The following CACNG5 variants were observed in gnomAD, a reference collection of about 807,000 sequenced individuals.
The protein encoded by CACNG5 is calcium voltage-gated channel auxiliary subunit gamma 5, also known as voltage-dependent calcium channel gamma-5 subunit.
CACNG5 carries 18 observed loss-of-function variants against 24.8 expected under a neutral mutation model. That is an observed-to-expected ratio of 0.73 (90% CI 0.50 to 1.08). The LOEUF is 1.08. Ranked by LOEUF, CACNG5 falls within the 50% of genes least tolerant of loss-of-function variation. The probability of loss-of-function intolerance (pLI) is 0.00; values close to 1 mark genes in which losing one functional copy is unlikely to be tolerated. For synonymous variants in CACNG5, 157 were observed against 149.1 expected (o/e 1.05, Z -0.39); for missense variants, 349 against 367.9 (o/e 0.95, Z 0.42).
intron 4 of CACNG5, among the ~76,000 whole-genome samples, chr17:66,881,655 C>A (rs558554301): frequency 5.9e-5 from 9 of 152,236 alleles, no homozygotes; most frequent in African/African-American, 2.2e-4. Flanking sequence ...AAGATAGGAA[C>A]CCAGTGTGAA....
chr17:66,874,473 C>T (rs974581185), intron 1 of CACNG5, among the ~76,000 whole-genome samples: 9 of 152,106 alleles, frequency 5.9e-5, no homozygotes, highest in South Asian at 4.2e-4. Flanking sequence ...TAGGGCATCA[C>T]GACAGAGCAG....
chr17:66,861,311 G>T (rs996843817), intron 1 of CACNG5, among the ~76,000 whole-genome samples: 5 of 152,198 alleles, frequency 3.3e-5, no homozygotes, highest in Non-Finnish European at 5.9e-5. Flanking sequence ...TTTAAAAGAA[G>T]ACCTACGTGC....
rs1977352802 is a variant in CACNG5, at chr17:66,892,096, C to T, written c.*6856C>T. On this transcript the variant is annotated 3_prime_UTR_variant, in exon 6 of 6. Transcript: ENST00000533854. ...TCTGAGTCTGGCTGGGGAGTGGTGG[C>T]ATCCCAAACAAAATGCAAGAAAAGG... 6.6e-6 allele frequency among the ~76,000 whole-genome samples: 1 copy of T among 152,228 alleles called. No individual in the cohort carries two copies. Among genetic ancestry groups the T allele is most frequent in the Non-Finnish European group, 1.5e-5 (1 of 68,030 alleles).
chr17:66,860,969 G>A (rs1210704661), intron 1 of CACNG5, among the ~76,000 whole-genome samples: 1 of 151,230 alleles, frequency 6.6e-6, no homozygotes, highest in Admixed American at 6.6e-5. Context: ...TAGATAATTG[G>A]GTAAAAAAGT....
chr17:66,842,184 G>A (rs1408187230), intron 1 of CACNG5, among the ~76,000 whole-genome samples: 1 of 152,086 alleles, frequency 6.6e-6, no homozygotes, highest in Non-Finnish European at 1.5e-5. Flanking sequence ...TCCCACGGTG[G>A]GGGAGTGGCT....
rs983547938 is a variant in CACNG5, at chr17:66,893,784, T to C, written c.*8544T>C. Among the ~76,000 whole-genome samples the C allele has an allele frequency of 2.6e-5, 4 of 151,984 alleles. No individual in the cohort carries two copies. The highest frequency in any genetic ancestry group is 5.9e-5 in the Non-Finnish European group (4 of 67,978). On this transcript the variant is annotated 3_prime_UTR_variant, in exon 6 of 6. Coordinates refer to ENST00000533854, the MANE Select transcript of CACNG5 (RefSeq NM_145811.3). The stretch of plus-strand genomic sequence containing the variant: ...TGGAGAGGAGGAAGAGATGTTTCAT[T>C]TGTTCACAATGTTTCCTGAAGCACT...
chr17:66,853,242 A>C (rs994900528), intron 1 of CACNG5, among the ~76,000 whole-genome samples: 1 of 152,204 alleles, frequency 6.6e-6, no homozygotes, highest in African/African-American at 2.4e-5. Context: ...CAGTTTGTTT[A>C]TCTATTCACC....
At chr17:66,874,252 G>T (rs561867999) in intron 1 of CACNG5, among the ~76,000 whole-genome samples, 5 of 152,130 alleles carry the variant, frequency 3.3e-5, no homozygotes, top group African/African-American at 1.2e-4. Flanking sequence ...AATGATAAAC[G>T]TTCAATGTAC....
chr17:66,854,075 A>G (rs907673941), intron 1 of CACNG5, among the ~76,000 whole-genome samples: 2 of 152,226 alleles, frequency 1.3e-5, no homozygotes, highest in Non-Finnish European at 2.9e-5. Context: ...ATGTAAATCA[A>G]TAATAGTACA....
rs1004139908 is a variant in CACNG5 at position 66,886,159 on chromosome 17, T to A, written c.*919T>A. On this transcript the variant is annotated 3_prime_UTR_variant, in exon 6 of 6. Transcript: ENST00000533854. ...ATATTTCCGGACCAAGGCCCTAAGA[T>A]GGAATCTTGTAGACATCTGTCTAAA... 6.6e-6 allele frequency among the ~76,000 whole-genome samples: 1 copy of A among 152,184 alleles called. No individual in the cohort carries two copies. The highest frequency in any genetic ancestry group is 1.5e-5 in the Non-Finnish European group (1 of 68,028).
rs1977254744 is a variant in CACNG5 at position 66,886,028 on chromosome 17, C to T, written c.*788C>T. Reference sequence around the variant, plus strand: ...TTACAGGAGCCTTTTATGCCTTAACCCAAATAACTGATTCTGACAATGAGA... The same window carrying T: ...TTACAGGAGCCTTTTATGCCTTAACTCAAATAACTGATTCTGACAATGAGA... On this transcript the variant is annotated 3_prime_UTR_variant, in exon 6 of 6. Transcript: ENST00000533854. Among the ~76,000 whole-genome samples the T allele has an allele frequency of 6.6e-6, 1 of 152,144 alleles. No individual in the cohort carries two copies. Among genetic ancestry groups the T allele is most frequent in the Admixed American group, 6.5e-5 (1 of 15,272 alleles).
chr17:66,881,898 A>G (rs1031287693), intron 4 of CACNG5, among the ~76,000 whole-genome samples: 3 of 152,180 alleles, frequency 2.0e-5, no homozygotes, highest in Admixed American at 6.5e-5. Flanking sequence ...TGGCAGGTGC[A>G]AGGAAAAATG....
rs1423717839 is a variant in CACNG5, at chr17:66,885,251, C to A, written c.*11C>A. 1.9e-6 allele frequency: 3 copies of A among 1,565,216 alleles called. No homozygotes were observed. Among genetic ancestry groups the A allele is most frequent in the African/African-American group, 2.7e-5 (2 of 74,266 alleles). ...TCTTCACCCTGCTGAGCCTCGGCCG[C>A]CCCCATCCCTGGACTGTGGGTGGCC... On this transcript the variant is annotated 3_prime_UTR_variant, in exon 6 of 6. Transcript: ENST00000533854.
intron 2 of CACNG5, among the ~76,000 whole-genome samples, chr17:66,878,210 C>A (rs151094705): frequency 2.0e-5 from 3 of 152,244 alleles, no homozygotes; most frequent in Non-Finnish European, 4.4e-5. Context: ...GACCCAAGAC[C>A]AGCCTGCACA....
intron 1 of CACNG5, among the ~76,000 whole-genome samples, chr17:66,864,531 A>G (rs763439412): frequency 5.3e-5 from 8 of 152,218 alleles, no homozygotes; most frequent in Non-Finnish European, 1.0e-4. Context: ...AATGTCTTCA[A>G]ATAGATTTAA....
intron 3 of CACNG5, among the ~76,000 whole-genome samples, chr17:66,880,109 A>G (rs1232349343): frequency 6.6e-6 from 1 of 152,238 alleles, no homozygotes; most frequent in Admixed American, 6.5e-5. Flanking sequence ...AGTAATTATA[A>G]GTTGAAGAAA....
At chr17:66,865,796 A>ATTTTTTTTTTTT (rs35187215) in intron 1 of CACNG5, among the ~76,000 whole-genome samples, 1 of 129,842 alleles carries the variant, frequency 7.7e-6, no homozygotes. Flanking sequence ...TGCACGGCTA[A>ATTTTTTTTTTTT]TTTTTTTTTT....
chr17:66,868,562 T>C (rs1341939737), intron 1 of CACNG5, among the ~76,000 whole-genome samples: 18 of 152,136 alleles, frequency 1.2e-4, no homozygotes, highest in Admixed American at 1.2e-3. Context: ...CCATCCCTCA[T>C]TAGCTGGCAG....
Position 66,884,662 on chromosome 17 carries a change from G to A in CACNG5, c.570+1G>A. On this transcript the variant is annotated splice_donor_variant, in intron 5 of 5. Transcript: ENST00000533854. LOFTEE classifies it high-confidence loss of function. ...CGCCATCTCCTTCCTTTTAACGGAG[G>A]TAAAGCCCGTCACCCTAAGTATGGA... The A allele has an allele frequency of 6.2e-7, 1 of 1,614,170 alleles. No individual in the cohort carries two copies. Among genetic ancestry groups the A allele is most frequent in the East Asian group, 2.2e-5 (1 of 44,870 alleles).
Sources: allele counts gnomAD v4.1 joint callset (sites outside exome capture counted in the v4.1 genomes callset), GRCh38; gene constraint gnomAD v4.1.1; transcripts MANE v1.5; gene names NCBI Gene and HGNC (gene_info 2026-07-23, HGNC 2026-07-21).